ABCC8: variants seen among roughly 807,000 people sequenced by gnomAD.
The protein encoded by ABCC8 is ATP binding cassette subfamily C member 8.
ABCC8 carries 137 observed loss-of-function variants against 188.0 expected under a neutral mutation model. That is an observed-to-expected ratio of 0.73 (90% CI 0.63 to 0.84). The LOEUF (loss-of-function observed/expected upper bound fraction) is 0.84. ABCC8 is among the 40% of genes least tolerant of loss of function. The pLI, the probability that ABCC8 is intolerant of heterozygous loss-of-function variation, is 0.00. For missense variants in ABCC8, 1,750 were observed against 2,072.7 expected, an observed-to-expected ratio of 0.84 and a Z score of 3.02; for synonymous variants, 797 against 846.5, an observed-to-expected ratio of 0.94 and a Z score of 1.01.
intron 23 of ABCC8, 163 bp downstream of exon 23, chr11:17,408,229 T>A: frequency 1.5e-6 from 1 of 666,358 alleles, no homozygotes; most frequent in East Asian, 2.7e-5. Context: ...CTGGCACAGG[T>A]ACTGTCTCTC....
intron 2 of ABCC8, among the ~76,000 whole-genome samples, chr11:17,471,894 A>G (rs1368355986): frequency 6.6e-6 from 1 of 152,224 alleles, no homozygotes; most frequent in Admixed American, 6.5e-5. Context: ...ATATTCTCCA[A>G]AAAAGGTCTT....
intron 38 of ABCC8, 149 bp from the exon 39 acceptor site, chr11:17,393,277 G>T: frequency 9.0e-7 from 1 of 1,113,750 alleles, no homozygotes; most frequent in Non-Finnish European, 1.3e-6. Flanking sequence ...GCACTTTCCT[G>T]GGGTGGATGT....
In ABCC8 at chr11:17,394,277, C is replaced by G. The variant is rs1320008876; in HGVS notation, c.4534G>C (p.Asp1512His). 6.2e-7 allele frequency: 1 copy of G among 1,613,796 alleles called. No homozygotes were observed. The highest frequency in any genetic ancestry group is 8.5e-7 in the Non-Finnish European group (1 of 1,180,030). ...FIMDEATASI[D>H]MATENILQKV... ...GGCCCAGGACCAACCGTGGCCATGTCAATGGAAGCCGTGGCCTCGTCCATG... is the reference window on the plus strand; with the variant it reads ...GGCCCAGGACCAACCGTGGCCATGTGAATGGAAGCCGTGGCCTCGTCCATG... Residue 1512 changes from aspartate (D) to histidine (H), a missense_variant, in exon 37 of 39, where the codon GAC (aspartate) becomes CAC (histidine). Asp to His is a moderately conservative substitution (Grantham distance 81). Coordinates refer to ENST00000389817, the MANE Select transcript of ABCC8 (RefSeq NM_000352.6).
chr11:17,431,017 C>A (rs997479232), intron 11 of ABCC8, 58 bp from the exon 12 acceptor site: 16 of 1,597,332 alleles, frequency 1.0e-5, no homozygotes, highest in Non-Finnish European at 1.2e-5. Context: ...CCCTCCCACA[C>A]TGGAAACGCT....
chr11:17,404,801 G>T lies in ABCC8; in HGVS notation c.3400-132C>A. ...TTTTTTGAGACTGAGTCTCACTGTT[G>T]CCCAGACTTGAGTGCAGCAGCGTAA... On this transcript the variant is annotated intron_variant, in intron 27 of 38. Coordinates refer to ENST00000389817, the MANE Select transcript of ABCC8 (RefSeq NM_000352.6). The surrounding 1 kb of genome is among the most constrained non-coding windows in gnomAD (Gnocchi z 4.7). The T allele has an allele frequency of 7.2e-7, 1 of 1,389,790 alleles. No individual in the cohort carries two copies. The highest frequency in any genetic ancestry group is 9.8e-7 in the Non-Finnish European group (1 of 1,018,702). The allele number at this position is 1,389,790 out of a possible 1,614,324, so 86.1% of individuals were successfully genotyped here.
At position 17,461,674 on chromosome 11, in the gene ABCC8, G is replaced by A. The variant is rs1369902878; in HGVS notation, c.731C>T (p.Pro244Leu). The A allele has an allele frequency of 6.2e-7, 1 of 1,614,228 alleles. No homozygotes were observed. The highest frequency in any genetic ancestry group is 8.5e-7 in the Non-Finnish European group (1 of 1,180,046). ...CTTCCCGATGGCTCGCAAGTCGATGGGCTTCTTGTGGGCAGTCTTGATGAA... is the reference window on the plus strand; with the variant it reads ...CTTCCCGATGGCTCGCAAGTCGATGAGCTTCTTGTGGGCAGTCTTGATGAA... Reference protein sequence around the residue: ...NAFIKTAHKKPIDLRAIGKLP... With the variant: ...NAFIKTAHKKLIDLRAIGKLP... The change falls in exon 5 of 39, where the codon CCC becomes CTC. Residue 244 changes from proline (P) to leucine (L), a missense_variant. Pro to Leu is a moderately conservative substitution (Grantham distance 98). Transcript: ENST00000389817.
chr11:17,447,890 T>C (rs879646257), intron 8 of ABCC8, among the ~76,000 whole-genome samples: 7 of 152,246 alleles, frequency 4.6e-5, no homozygotes, highest in African/African-American at 9.6e-5. Flanking sequence ...AAATCACTTA[T>C]AATCCCACTA....
intron 22 of ABCC8, chr11:17,410,276 T>C (rs1016992390): frequency 7.7e-6 from 4 of 520,680 alleles, no homozygotes; most frequent in Non-Finnish European, 3.5e-6. Flanking sequence ...CAGCCTTGAG[T>C]GTACCATGGG....
intron 10 of ABCC8, among the ~76,000 whole-genome samples, chr11:17,438,319 C>T (rs1956185599): frequency 1.3e-5 from 2 of 152,144 alleles, no homozygotes; most frequent in African/African-American, 4.8e-5. Flanking sequence ...GACCCAGAGT[C>T]AGGTGAGTAA....
chr11:17,441,266 C>T (rs1956306225), intron 10 of ABCC8, among the ~76,000 whole-genome samples: 1 of 152,112 alleles, frequency 6.6e-6, no homozygotes, highest in Admixed American at 6.5e-5. Context: ...GGAAAATAGC[C>T]TGAGACCAGG....
chr11:17,470,390 C>T (rs1848416114), intron 2 of ABCC8, 168 bp from the exon 3 acceptor site: 2 of 629,742 alleles, frequency 3.2e-6, no homozygotes, highest in Non-Finnish European at 4.0e-6. Flanking sequence ...CTGGGCAGAG[C>T]TGCCAGTACA....
At chr11:17,435,839 T>C in intron 10 of ABCC8, 1 of 1,237,608 alleles carries the variant, frequency 8.1e-7, no homozygotes, top group Non-Finnish European at 1.2e-6. Context: ...AACTTAGCTG[T>C]GTGGATCAGT....
intron 8 of ABCC8, among the ~76,000 whole-genome samples, chr11:17,447,045 G>C (rs1956562066): frequency 6.6e-6 from 1 of 152,198 alleles, no homozygotes; most frequent in Admixed American, 6.5e-5. Flanking sequence ...AATTGCCATA[G>C]CAACTCCAGA....
intron 11 of ABCC8, 48 bp from the exon 12 acceptor site, chr11:17,431,007 C>A: frequency 6.2e-7 from 1 of 1,604,580 alleles, no homozygotes; most frequent in South Asian, 1.1e-5. Flanking sequence ...GGGTGTGGGT[C>A]CCTCCCACAC....
At chr11:17,415,377 G>C (rs1192119902) in intron 17 of ABCC8, 38 bp from the exon 18 acceptor site, 10 of 1,603,764 alleles carry the variant, frequency 6.2e-6, no homozygotes, top group Non-Finnish European at 7.7e-6. Flanking sequence ...AGCTCTCATG[G>C]GAGTGAACCA....
At chr11:17,445,912 G>A (rs577182881) in intron 8 of ABCC8, among the ~76,000 whole-genome samples, 2 of 151,894 alleles carry the variant, frequency 1.3e-5, no homozygotes, top group Admixed American at 6.6e-5. Context: ...AACAAACCCT[G>A]TGAGTACTAG....
At chr11:17,465,778 T>A (rs529624416) in intron 3 of ABCC8, among the ~76,000 whole-genome samples, 67 of 152,298 alleles carry the variant, frequency 4.4e-4, no homozygotes, top group African/African-American at 1.5e-3. Flanking sequence ...AGTCCAGGCA[T>A]CATCATGCGT....
chr11:17,419,639 A>G (rs879870958), intron 16 of ABCC8, among the ~76,000 whole-genome samples: 34 of 152,350 alleles, frequency 2.2e-4, no homozygotes, highest in Non-Finnish European at 4.1e-4. Context: ...CATAATTTTT[A>G]CAAGAAATTT....
chr11:17,461,336 T>A (rs561261309), intron 5 of ABCC8: 3 of 558,516 alleles, frequency 5.4e-6, no homozygotes, highest in Non-Finnish European at 9.6e-6. Flanking sequence ...TTTCCCCATC[T>A]GGATAAGGAC....
Sources: gnomAD v4.1 joint callset for allele counts (sites outside exome capture counted in the v4.1 genomes callset) on GRCh38, gnomAD v4.1.1 for gene constraint, Gnocchi (gnomAD v3.1) non-coding constraint, MANE v1.5 for transcripts, NCBI Gene and HGNC (gene_info 2026-07-23, HGNC 2026-07-21) for gene names.